CHD7: variants seen among roughly 807,000 people sequenced by gnomAD.
CHD7 encodes the protein ATP-dependent chromatin remodeler CHD7.
CHD7 carries 24 observed loss-of-function variants against 307.3 expected under a neutral mutation model. That is an observed-to-expected ratio of 0.08 (90% CI 0.06 to 0.11). The LOEUF (loss-of-function observed/expected upper bound fraction) is 0.11, where lower values mean the gene tolerates loss of function less well. CHD7 is among the 10% of genes least tolerant of loss of function. The pLI is 1.00. For synonymous variants in CHD7, 1,363 were observed against 1,349.9 expected (o/e 1.01, Z -0.21); for missense variants, 3,106 against 3,727.1 (o/e 0.83, Z 4.34).
chr8:60,855,636 T>C (rs1805665624), intron 32 of CHD7, among the ~76,000 whole-genome samples: 1 of 152,246 alleles, frequency 6.6e-6, no homozygotes, highest in South Asian at 2.1e-4. Context: ...CAGAGCTCTA[T>C]GGAGCTTGTA....
At chr8:60,824,145 C>T (rs1804166825) in intron 13 of CHD7, 129 bp downstream of exon 13, 4 of 812,024 alleles carry the variant, frequency 4.9e-6, no homozygotes, top group Admixed American at 5.4e-5. Flanking sequence ...GATATATTCT[C>T]TGGCACTTTC....
chr8:60,795,738 G>A (rs747294316), intron 4 of CHD7, among the ~76,000 whole-genome samples: 16 of 152,184 alleles, frequency 1.1e-4, no homozygotes, highest in Non-Finnish European at 1.6e-4. Flanking sequence ...AGGAATGTAG[G>A]TTCTTGTGTG....
intron 25 of CHD7, among the ~76,000 whole-genome samples, chr8:60,849,603 G>A (rs1805361576): frequency 6.6e-6 from 1 of 152,166 alleles, no homozygotes; most frequent in African/African-American, 2.4e-5. Context: ...GCTCCCCTGA[G>A]TGGGATGCAG....
chr8:60,839,653 G>C (rs1008121979), intron 19 of CHD7, among the ~76,000 whole-genome samples: 26 of 152,136 alleles, frequency 1.7e-4, no homozygotes, highest in Non-Finnish European at 3.4e-4. Flanking sequence ...TGGGTGTGAG[G>C]TCATATCCCA....
At position 60,842,015 on chromosome 8, in the gene CHD7, G is replaced by C; in HGVS notation, c.4813G>C (p.Glu1605Gln). The change falls in exon 21 of 38, where the codon GAA becomes CAA. Residue 1605 changes from glutamate (E) to glutamine (Q), a missense_variant. Physicochemically the swap from Glu to Gln is conservative, Grantham distance 29. Coordinates refer to ENST00000423902, the MANE Select transcript of CHD7 (RefSeq NM_017780.4). ...TAAGTCACAGGGCTATGCAAGGAGT[G>C]AATGTTTCAGGGTGGAGAAGAATCT... is the stretch of plus-strand genomic sequence containing the variant. The part of the protein sequence containing the change: ...QDKSQGYARS[E>Q]CFRVEKNLLV... 1 of 1,613,918 alleles carries C rather than the reference G, an allele frequency of 6.2e-7. No homozygotes were observed. Among genetic ancestry groups the C allele is most frequent in the Non-Finnish European group, 8.5e-7 (1 of 1,179,858 alleles).
rs189774096 is a variant in CHD7, at chr8:60,859,186, G to A, written c.7609-1718G>A. On this transcript the variant is annotated intron_variant, in intron 34 of 37. Coordinates refer to ENST00000423902, the MANE Select transcript of CHD7 (RefSeq NM_017780.4). ...TTGAAATGTAGGGATTCCTCATTTG[G>A]TGTTGTCGGGGGTGATGTGCATGCA... 3.3e-4 allele frequency among the ~76,000 whole-genome samples: 50 copies of A among 151,968 alleles called. No homozygotes were observed. In the East Asian group the frequency reaches 9.1e-3, roughly 28 times the overall value.
chr8:60,742,753 G>A lies in CHD7; in HGVS notation c.1321G>A (p.Gly441Ser), dbSNP rs1353746682. The change falls in exon 2 of 38, where the codon GGT becomes AGT. Residue 441 changes from glycine (G) to serine (S), a missense_variant. This residue lies in a region of CHD7 where 998 missense variants were observed against 1,004.5 expected (regional missense o/e 0.99). Coordinates refer to ENST00000423902, the MANE Select transcript of CHD7 (RefSeq NM_017780.4). The stretch of plus-strand genomic sequence containing the variant: ...TCCTCAGCCATCTCACCAGCCCCCT[G>A]GTGCCATGGGAATCGGACAGAGGAA... ...PHPQPSHQPP[G>S]AMGIGQRNMG... 3 of 1,613,886 alleles carry A rather than the reference G, an allele frequency of 1.9e-6. No homozygotes were observed. The highest frequency in any genetic ancestry group is 3.3e-5 in the Admixed American group (2 of 60,010).
intron 31 of CHD7, among the ~76,000 whole-genome samples, chr8:60,853,936 T>A (rs2099561265): frequency 6.6e-6 from 1 of 152,230 alleles, no homozygotes; most frequent in Admixed American, 6.5e-5. Flanking sequence ...ATAACCAATT[T>A]TTTAAGTCAC....
intron 2 of CHD7, 144 bp from the exon 3 acceptor site, chr8:60,780,856 A>G (rs1811180973): frequency 2.9e-6 from 3 of 1,042,786 alleles, no homozygotes; most frequent in Middle Eastern, 3.4e-4. Context: ...AGAGAAGCTG[A>G]TAGATTCTAC....
intron 1 of CHD7, among the ~76,000 whole-genome samples, chr8:60,680,408 G>GC (rs1395617336): frequency 9.3e-6 from 1 of 108,022 alleles, no homozygotes; most frequent in African/African-American, 4.6e-5. Context: ...CGGGGGGGGG[G>GC]GGCGGGGGCG....
intron 1 of CHD7, among the ~76,000 whole-genome samples, chr8:60,695,700 T>A (rs1304769280): frequency 1.3e-5 from 2 of 152,214 alleles, no homozygotes; most frequent in Non-Finnish European, 2.9e-5. Context: ...AAGCAGGTAA[T>A]GTGTGGAAAG....
At chr8:60,851,224 C>G in intron 27 of CHD7, 38 bp from the exon 28 acceptor site, 9 of 1,537,776 alleles carry the variant, frequency 5.9e-6, no homozygotes, top group Non-Finnish European at 7.9e-6. Context: ...AATGAGACCC[C>G]AAATTAAAGT....
In CHD7 at chr8:60,763,207, T is replaced by C. The variant is rs565530368; in HGVS notation, c.1666-17793T>C. 4.6e-5 allele frequency among the ~76,000 whole-genome samples: 7 copies of C among 152,356 alleles called. No individual in the cohort carries two copies. In the South Asian group the frequency reaches 1.2e-3, roughly 27 times the overall value. On this transcript the variant is annotated intron_variant, in intron 2 of 37. Transcript: ENST00000423902. ...TTTAATGCAAGATATATCCAAAAGA[T>C]TGTGTCAACATGTAATATTTAACCA...
rs768584918 is a variant in CHD7 at position 60,743,117 on chromosome 8, A to C, written c.1665+20A>C. The C allele has an allele frequency of 1.3e-6, 2 of 1,594,656 alleles. No homozygotes were observed. Among genetic ancestry groups the C allele is most frequent in the Admixed American group, 3.4e-5 (2 of 59,336 alleles). On this transcript the variant is annotated intron_variant, in intron 2 of 37. Coordinates refer to ENST00000423902, the MANE Select transcript of CHD7 (RefSeq NM_017780.4). ...CATCAGGTAAGGGGACACAGAGCCT[A>C]CCTCTGCATTGCAGTGTGAAATTCA...
intron 2 of CHD7, among the ~76,000 whole-genome samples, chr8:60,780,447 A>AT (rs1292292397): frequency 6.6e-6 from 1 of 152,214 alleles, no homozygotes; most frequent in Non-Finnish European, 1.5e-5. Context: ...TGTGCTTTTA[A>AT]TTTGATATTT....
In CHD7 at chr8:60,853,112, A is replaced by G; in HGVS notation, c.6387A>G (p.Lys2129=). ...AGTTATCCTTCTTGGATGCACATAA[A>G]AACTTTGCTCAAAACAGAGGGGCAG... ...DPELSFLDAH[K]NFAQNRGAGN... is the part of the protein sequence containing the mutation. The change falls in exon 31 of 38, where the codon AAA becomes AAG. Residue 2129 remains lysine, a synonymous_variant. Transcript: ENST00000423902. The G allele has an allele frequency of 1.9e-6, 3 of 1,613,960 alleles. No individual in the cohort carries two copies. Among genetic ancestry groups the G allele is most frequent in the Non-Finnish European group, 2.5e-6 (3 of 1,179,878 alleles).
At chr8:60,705,119 A>G (rs911938453) in intron 1 of CHD7, among the ~76,000 whole-genome samples, 3 of 152,194 alleles carry the variant, frequency 2.0e-5, no homozygotes, top group Admixed American at 1.3e-4. Flanking sequence ...AGTAAAGGGT[A>G]GTTGATGGTA....
chr8:60,682,693 G>C (rs1301026362), intron 1 of CHD7, among the ~76,000 whole-genome samples: 1 of 152,210 alleles, frequency 6.6e-6, no homozygotes, highest in African/African-American at 2.4e-5. Context: ...AGTTCTATAG[G>C]TAAGCAAATA....
rs539348681 is a variant in CHD7, at chr8:60,711,009, T to C, written c.-174-30250T>C. Reference sequence around the variant, plus strand: ...TTCTTTACTGTTTGTTTTTGTCCTTTTTTATATCATAAGTTACTTTTACAC... The same window carrying C: ...TTCTTTACTGTTTGTTTTTGTCCTTCTTTATATCATAAGTTACTTTTACAC... On this transcript the variant is annotated intron_variant, in intron 1 of 37. Transcript: ENST00000423902. Among the ~76,000 whole-genome samples the C allele has an allele frequency of 2.0e-5, 3 of 152,348 alleles. No homozygotes were observed. The East Asian group carries it at 5.8e-4, about 29-fold the overall frequency.
Sources: gnomAD v4.1 joint callset for allele counts (sites outside exome capture counted in the v4.1 genomes callset) on GRCh38, gnomAD v4.1.1 for gene constraint, gnomAD v4.1.1 regional missense constraint, MANE v1.5 for transcripts, NCBI Gene and HGNC (gene_info 2026-07-23, HGNC 2026-07-21) for gene names.